IFT172: variants seen among roughly 807,000 people sequenced by gnomAD.
IFT172 encodes intraflagellar transport 172.
A neutral mutation model predicts 248.9 loss-of-function variants in IFT172; 164 were observed. That is an observed-to-expected ratio of 0.66 (90% CI 0.58 to 0.75). The LOEUF (loss-of-function observed/expected upper bound fraction) is 0.75, where lower values mean the gene tolerates loss of function less well. Among genes scored for constraint, IFT172 ranks in the 30% least tolerant of loss-of-function variants. The pLI is 0.00. For synonymous variants in IFT172, 729 were observed against 791.6 expected (o/e 0.92, Z 1.33); for missense variants, 1,950 against 2,192.4 (o/e 0.89, Z 2.21).
At chr2:27,472,858 T>C (rs551956248) in intron 14 of IFT172, among the ~76,000 whole-genome samples, 1 of 152,288 alleles carries the variant, frequency 6.6e-6, no homozygotes, top group South Asian at 2.1e-4. Context: ...TTCTAGACAT[T>C]ATCAGAAACT....
In IFT172 at chr2:27,459,409, G is replaced by A; in HGVS notation, c.2756C>T (p.Ala919Val). 6.2e-7 allele frequency: 1 copy of A among 1,614,150 alleles called. No individual in the cohort carries two copies. Among genetic ancestry groups the A allele is most frequent in the Non-Finnish European group, 8.5e-7 (1 of 1,180,036 alleles). The change falls in exon 25 of 48, where the codon GCC (alanine) becomes GTC (valine). Residue 919 changes from alanine to valine, a missense_variant. Transcript: ENST00000260570. ...NTASKYYPLV[A>V]QHYASLQEYE... ...CTCCTGCAGGGATGCATAGTGTTGG[G>A]CCACGAGAGGATAGTATTTGGATGC...
At position 27,449,998 on chromosome 2, in the gene IFT172, T is replaced by A; in HGVS notation, c.4050A>T (p.Ala1350=). The part of the protein sequence containing the change: ...PQLIGIGKHS[A]AAELYLNLDL... Reference sequence around the variant, plus strand: ...TGTTCCATCTCAGCATCCTACTTACTGCACTGTGCTTTCCAATTCCAATCA... The same window carrying A: ...TGTTCCATCTCAGCATCCTACTTACAGCACTGTGCTTTCCAATTCCAATCA... Residue 1350 remains alanine (A), a splice_region_variant and synonymous_variant, in exon 36 of 48, where the codon GCA becomes GCT. Transcript: ENST00000260570. The A allele has an allele frequency of 6.2e-7, 1 of 1,609,862 alleles. No homozygotes were observed. Among genetic ancestry groups the A allele is most frequent in the East Asian group, 2.2e-5 (1 of 44,842 alleles).
intron 33 of IFT172, 92 bp downstream of exon 33, chr2:27,453,890 T>G: frequency 6.9e-7 from 1 of 1,450,552 alleles, no homozygotes; most frequent in Non-Finnish European, 9.4e-7. Context: ...CTAACCTCCC[T>G]GATCTTTCTT....
At chr2:27,446,750 A>C in intron 42 of IFT172, among the ~76,000 whole-genome samples, 1 of 123,754 alleles carries the variant, frequency 8.1e-6, no homozygotes, top group Non-Finnish European at 1.6e-5. Context: ...CAGACTGCGG[A>C]CTGCAGTGGC....
Position 27,461,253 on chromosome 2 carries a change from A to T in IFT172, c.2442+16T>A, listed in dbSNP as rs189737111. ...GAGCTCTGGAGATAAGGGCTAGGAA[A>T]AGGAAGCCAGCATACCCTTTCGTAG... is the stretch of plus-strand genomic sequence containing the variant. On this transcript the variant is annotated intron_variant, in intron 22 of 47. Coordinates refer to ENST00000260570, the MANE Select transcript of IFT172 (RefSeq NM_015662.3). The T allele has an allele frequency of 1.0e-4, 168 of 1,613,466 alleles. No individual in the cohort carries two copies. The highest frequency in any genetic ancestry group is 6.5e-4 in the Admixed American group (39 of 60,002).
At chr2:27,467,294 C>T (rs571718810) in intron 16 of IFT172, among the ~76,000 whole-genome samples, 35 of 151,242 alleles carry the variant, frequency 2.3e-4, no homozygotes, top group African/African-American at 8.5e-4. Context: ...ATCCAGAGGC[C>T]AGATGCAGTG....
Position 27,444,494 on chromosome 2 carries a change from C to T in IFT172, c.5188G>A (p.Val1730Met), listed in dbSNP as rs985755052. 9 of 1,613,562 alleles carry T rather than the reference C, an allele frequency of 5.6e-6. No homozygotes were observed. Among genetic ancestry groups the T allele is most frequent in the Admixed American group, 3.3e-5 (2 of 59,976 alleles). Residue 1730 changes from valine (V) to methionine (M), a missense_variant, in exon 48 of 48, where the codon GTG (valine) becomes ATG (methionine). By Grantham distance (21) the Val-to-Met change is conservative. Coordinates refer to ENST00000260570, the MANE Select transcript of IFT172 (RefSeq NM_015662.3). ...KTSHSPVCQD[V>M]LKFISQWCGG... is the part of the protein sequence containing the mutation. ...CACCACTGACTGATGAATTTCAGCA[C>T]GTCCTGGCACACTGGGCTGTGGGAG... is the stretch of plus-strand genomic sequence containing the variant.
chr2:27,478,980 C>T (rs187994491), intron 10 of IFT172, among the ~76,000 whole-genome samples: 3 of 152,302 alleles, frequency 2.0e-5, no homozygotes, highest in East Asian at 3.9e-4. Flanking sequence ...GTGGCAATCT[C>T]TGCACACCTT....
At chr2:27,457,393 A>T (rs1377620549) in intron 29 of IFT172, among the ~76,000 whole-genome samples, 1 of 152,152 alleles carries the variant, frequency 6.6e-6, no homozygotes, top group Non-Finnish European at 1.5e-5. Flanking sequence ...AACATGGTGA[A>T]AACTTGTCTC....
chr2:27,456,640 T>A lies in IFT172; in HGVS notation c.3242A>T (p.Gln1081Leu). 6.2e-7 allele frequency: 1 copy of A among 1,613,724 alleles called. No homozygotes were observed. Among genetic ancestry groups the A allele is most frequent in the Non-Finnish European group, 8.5e-7 (1 of 1,179,828 alleles). The part of the protein sequence containing the change: ...WEEAYRVART[Q>L]GGANAHKHVA... ...GTGTTTGTGGGCATTAGCCCCTCCTTGAGTTCTGGCCACCTGTAAAGCAAA... is the reference window on the plus strand; with the variant it reads ...GTGTTTGTGGGCATTAGCCCCTCCTAGAGTTCTGGCCACCTGTAAAGCAAA... The change falls in exon 30 of 48, where the codon CAA (glutamine) becomes CTA (leucine). Residue 1081 changes from glutamine (Q) to leucine (L), a missense_variant. Coordinates refer to ENST00000260570, the MANE Select transcript of IFT172 (RefSeq NM_015662.3).
At chr2:27,474,053 C>T (rs1283154191) in intron 14 of IFT172, among the ~76,000 whole-genome samples, 1 of 152,152 alleles carries the variant, frequency 6.6e-6, no homozygotes, top group Non-Finnish European at 1.5e-5. Context: ...GGTGATCCGC[C>T]CGCCTCGGCC....
chr2:27,459,302 C>T, intron 25 of IFT172, 76 bp downstream of exon 25: 1 of 1,553,838 alleles, frequency 6.4e-7, no homozygotes, highest in Non-Finnish European at 8.7e-7. Flanking sequence ...AACTTGCCTC[C>T]ACTTCCTGCT....
chr2:27,452,113 T>A (rs1192140542), intron 35 of IFT172, among the ~76,000 whole-genome samples: 1 of 152,084 alleles, frequency 6.6e-6, no homozygotes, highest in Non-Finnish European at 1.5e-5. Flanking sequence ...AGGTTAACAT[T>A]TAAATTGGTA....
Position 27,454,347 on chromosome 2 carries a change from A to G in IFT172, c.3530+7T>C, listed in dbSNP as rs150882197. On this transcript the variant is annotated splice_region_variant and intron_variant, in intron 32 of 47. Transcript: ENST00000260570. The surrounding 1 kb of genome is among the most constrained non-coding windows in gnomAD (Gnocchi z 4.2). ...AACAGTATTAAGGAATGTATGGGGTAACTCACATGAGGACTGCCTCCTTGG... is the reference window on the plus strand; with the variant it reads ...AACAGTATTAAGGAATGTATGGGGTGACTCACATGAGGACTGCCTCCTTGG... 1.7e-3 allele frequency: 2,686 copies of G among 1,614,186 alleles called. 3 individuals are homozygous for G. Among genetic ancestry groups the G allele is most frequent in the Non-Finnish European group, 2.1e-3 (2,440 of 1,180,010 alleles).
At position 27,485,501 on chromosome 2, in the gene IFT172, A is replaced by G. The variant is rs1668694687; in HGVS notation, c.42T>C (p.Asp14=). ...KHLRTLLSPQ[D]GAAKVTCMAW... ...CCATGCAGGTCACCTTTGCAGCTCC[A>G]TCCTGTAGAGGCAAAGGGGTAAAAA... The change falls in exon 2 of 48, where the codon GAT becomes GAC. Residue 14 remains aspartate (D), a splice_region_variant and synonymous_variant. Transcript: ENST00000260570. The G allele has an allele frequency of 3.1e-6, 5 of 1,613,748 alleles. No homozygotes were observed. In the African/African-American group the frequency reaches 6.7e-5, roughly 22 times the overall value.
chr2:27,451,026 C>G (rs1405728460), intron 35 of IFT172, among the ~76,000 whole-genome samples: 1 of 150,076 alleles, frequency 6.7e-6, no homozygotes, highest in African/African-American at 2.5e-5. Context: ...ACATTTGTGG[C>G]CTGCATTATA....
chr2:27,477,542 A>C lies in IFT172; in HGVS notation c.1221+17T>G. 6 of 1,571,208 alleles carry C rather than the reference A, an allele frequency of 3.8e-6. No individual in the cohort carries two copies. Among genetic ancestry groups the C allele is most frequent in the Non-Finnish European group, 5.3e-6 (6 of 1,140,712 alleles). On this transcript the variant is annotated intron_variant, in intron 12 of 47. Coordinates refer to ENST00000260570, the MANE Select transcript of IFT172 (RefSeq NM_015662.3). ...GAGGCTTATCAAGATGGTGATGGTGAATCAAGCTCTACTCACATTCTCATT... is the reference window on the plus strand; with the variant it reads ...GAGGCTTATCAAGATGGTGATGGTGCATCAAGCTCTACTCACATTCTCATT...
chr2:27,447,498 G>A lies in IFT172; in HGVS notation c.4659+17C>T, dbSNP rs893826942. 2.5e-6 allele frequency: 4 copies of A among 1,611,824 alleles called. No homozygotes were observed. The highest frequency in any genetic ancestry group is 1.7e-5 in the Admixed American group (1 of 59,720). On this transcript the variant is annotated intron_variant, in intron 42 of 47. Coordinates refer to ENST00000260570, the MANE Select transcript of IFT172 (RefSeq NM_015662.3). ...AGCCCTTCTGACTGAGTGTTCCTTC[G>A]ACCCCCTACATCTCACCAGCTGTTT...
chr2:27,476,596 T>A, intron 14 of IFT172, 45 bp downstream of exon 14: 1 of 1,203,498 alleles, frequency 8.3e-7, no homozygotes, highest in Non-Finnish European at 1.2e-6. Context: ...AAGTGTGATA[T>A]AAACATCTAT....
Sources: gnomAD v4.1 joint callset for allele counts (sites outside exome capture counted in the v4.1 genomes callset) on GRCh38, gnomAD v4.1.1 for gene constraint, Gnocchi (gnomAD v3.1) non-coding constraint, MANE v1.5 for transcripts, NCBI Gene and HGNC (gene_info 2026-07-23, HGNC 2026-07-21) for gene names.